The following PLEKHG4B variants were observed in gnomAD, a reference collection of about 807,000 sequenced individuals.
PLEKHG4B encodes the protein pleckstrin homology domain-containing family G member 4B.
A neutral mutation model predicts 121.3 loss-of-function variants in PLEKHG4B; 111 were observed. That is an observed-to-expected ratio of 0.92 (90% confidence interval 0.78 to 1.07). The LOEUF is 1.07. Among genes scored for constraint, PLEKHG4B ranks in the 50% least tolerant of loss-of-function variants. The pLI, the probability that PLEKHG4B is intolerant of heterozygous loss-of-function variation, is 0.00. For synonymous variants in PLEKHG4B, 738 were observed against 725.0 expected (o/e 1.02, Z -0.29); for missense variants, 1,831 against 1,757.8 (o/e 1.04, Z -0.74).
rs914021370 is a variant in PLEKHG4B, at chr5:187,154, T to G, written c.*4831T>G. On this transcript the variant is annotated 3_prime_UTR_variant, in exon 20 of 20. Transcript: ENST00000637938. ...AAGGCTCCCCAGTGCCCAGCAAGAGTGTTTTTACATTCAGAGGTGAGGAAG... is the reference window on the plus strand; with the variant it reads ...AAGGCTCCCCAGTGCCCAGCAAGAGGGTTTTTACATTCAGAGGTGAGGAAG... The G allele has an allele frequency of 1.3e-5, 2 of 152,006 alleles. No homozygotes were observed. Among genetic ancestry groups the G allele is most frequent in the African/African-American group, 4.8e-5 (2 of 41,282 alleles). 9.4% of individuals were successfully genotyped at this position (152,006 alleles called of 1,614,324 possible).
intron 7 of PLEKHG4B, among the ~76,000 whole-genome samples, chr5:153,153 T>C (rs563969152): frequency 6.6e-6 from 1 of 152,258 alleles, no homozygotes; most frequent in African/African-American, 2.4e-5. Flanking sequence ...ATTTTCTACA[T>C]CTCTCCTGAG....
intron 14 of PLEKHG4B, among the ~76,000 whole-genome samples, chr5:169,946 C>A (rs920490412): frequency 1.3e-5 from 2 of 152,190 alleles, no homozygotes; most frequent in African/African-American, 4.8e-5. Flanking sequence ...CGGGGAGAGG[C>A]CAGGCCTCAC....
chr5:107,757 C>G (rs1734018822), intron 1 of PLEKHG4B, among the ~76,000 whole-genome samples: 1 of 152,166 alleles, frequency 6.6e-6, no homozygotes, highest in African/African-American at 2.4e-5. Flanking sequence ...TCTGCACTTG[C>G]CCTGGTGTGG....
chr5:165,590 C>T (rs71583048), intron 13 of PLEKHG4B, among the ~76,000 whole-genome samples: 18 of 26,416 alleles, frequency 6.8e-4, no homozygotes, highest in South Asian at 2.1e-3. Context: ...TCTGACGGGG[C>T]GGGGCTCACA....
chr5:124,032 G>A (rs1055522251), intron 2 of PLEKHG4B, among the ~76,000 whole-genome samples: 2 of 151,896 alleles, frequency 1.3e-5, no homozygotes, highest in African/African-American at 2.4e-5. Context: ...GCTGCCTCCC[G>A]TAAGTTGTAA....
intron 2 of PLEKHG4B, among the ~76,000 whole-genome samples, chr5:131,743 G>A (rs1414475823): frequency 6.6e-6 from 1 of 152,174 alleles, no homozygotes; most frequent in Non-Finnish European, 1.5e-5. Flanking sequence ...GTGTAAAAGT[G>A]TTCCTATTTC....
intron 6 of PLEKHG4B, among the ~76,000 whole-genome samples, chr5:151,280 C>T (rs1165824328): frequency 4.6e-5 from 7 of 152,060 alleles, no homozygotes; most frequent in African/African-American, 1.5e-4. Flanking sequence ...GAACTATTCA[C>T]TAAAAAGGGT....
At chr5:177,377 C>T (rs1736790716) in intron 18 of PLEKHG4B, among the ~76,000 whole-genome samples, 1 of 152,174 alleles carries the variant, frequency 6.6e-6, no homozygotes, top group African/African-American at 2.4e-5. Flanking sequence ...TATTCTCGGA[C>T]TCATCATAGG....
At chr5:150,406 G>T (rs890753953) in intron 6 of PLEKHG4B, among the ~76,000 whole-genome samples, 1 of 152,176 alleles carries the variant, frequency 6.6e-6, no homozygotes, top group Admixed American at 6.5e-5. Context: ...CTTACAAGAT[G>T]AAAAGAGTTA....
intron 1 of PLEKHG4B, among the ~76,000 whole-genome samples, chr5:93,797 A>G (rs1165220898): frequency 1.3e-5 from 2 of 152,186 alleles, no homozygotes; most frequent in Non-Finnish European, 2.9e-5. Context: ...TTACTTGTAA[A>G]GTAGCCCAGA....
At chr5:164,917 G>A (rs1457384528) in intron 13 of PLEKHG4B, among the ~76,000 whole-genome samples, 8 of 69,788 alleles carry the variant, frequency 1.1e-4, no homozygotes, top group South Asian at 5.1e-4. Context: ...GTGACGGGGC[G>A]GAGCTCACAC....
In PLEKHG4B at chr5:140,416, G is replaced by A; in HGVS notation, c.1177G>A (p.Val393Ile). Residue 393 changes from valine to isoleucine, a missense_variant, in exon 3 of 20, where the codon GTA (valine) becomes ATA (isoleucine). By Grantham distance (29) the Val-to-Ile change is conservative. Coordinates refer to ENST00000637938, the MANE Select transcript of PLEKHG4B (RefSeq NM_052909.5). ...GASRDLGTGA[V>I]ASGTQEETSG... Reference sequence around the variant, plus strand: ...CAGCAGGGACCTGGGGACTGGGGCAGTAGCCAGTGGGACCCAGGAGGAAAC... The same window carrying A: ...CAGCAGGGACCTGGGGACTGGGGCAATAGCCAGTGGGACCCAGGAGGAAAC... 1 of 1,557,836 alleles carries A rather than the reference G, an allele frequency of 6.4e-7. No homozygotes were observed. The highest frequency in any genetic ancestry group is 8.7e-7 in the Non-Finnish European group (1 of 1,151,882).
chr5:98,002 T>C (rs1733679086), intron 1 of PLEKHG4B, among the ~76,000 whole-genome samples: 1 of 152,196 alleles, frequency 6.6e-6, no homozygotes, highest in Non-Finnish European at 1.5e-5. Flanking sequence ...TGAACCATTA[T>C]CTCAGTGTAG....
intron 18 of PLEKHG4B, 71 bp downstream of exon 18, chr5:174,169 C>A: frequency 1.3e-6 from 1 of 756,094 alleles, no homozygotes; most frequent in South Asian, 2.3e-5. Flanking sequence ...GGGGCTGGGA[C>A]TGGGGTGAGA....
rs1735084328 is a variant in PLEKHG4B, at chr5:139,505, TC to T, written c.268del (p.Leu90CysfsTer46). 2.5e-6 allele frequency: 1 copy of T among 398,960 alleles called. No individual in the cohort carries two copies. Among genetic ancestry groups the T allele is most frequent in the East Asian group, 3.6e-5 (1 of 28,060 alleles). 24.7% of individuals were successfully genotyped at this position (398,960 alleles called of 1,614,324 possible). A position where few individuals can be genotyped will look rare whatever the true frequency, so the allele number is the denominator to read the frequency against. ...CAGGCCAGGTACAGGGGTCTGGTCTTCCTGCACCCAGGCTGGCCGCTGTGCG... is the reference window on the plus strand; with the variant it reads ...CAGGCCAGGTACAGGGGTCTGGTCTTCTGCACCCAGGCTGGCCGCTGTGCG... ...EACARYRGLVFLHPGWPLCAH... is the reference protein window; with the variant it reads ...EACARYRGLVXLHPGWPLCAH... On this transcript the variant is annotated frameshift_variant, in exon 3 of 20. Coordinates refer to ENST00000637938, the MANE Select transcript of PLEKHG4B (RefSeq NM_052909.5). LOFTEE classifies it high-confidence loss of function. This position sits in a 1 kb window ranked among gnomAD's most constrained non-coding sequence, Gnocchi z 5.0.
At chr5:106,566 G>A (rs926014935) in intron 1 of PLEKHG4B, among the ~76,000 whole-genome samples, 4 of 152,178 alleles carry the variant, frequency 2.6e-5, no homozygotes, top group African/African-American at 4.8e-5. Context: ...CTTTGTAATT[G>A]TCCACAGCGT....
intron 3 of PLEKHG4B, among the ~76,000 whole-genome samples, chr5:140,985 CCCCG>C: frequency 1.2e-4 from 2 of 17,232 alleles, no homozygotes; most frequent in Non-Finnish European, 2.4e-4. Context: ...CGCTGCACAC[CCCCG>C]CCCTCTCCCC....
At chr5:173,487 G>A (rs1247733407) in intron 17 of PLEKHG4B, among the ~76,000 whole-genome samples, 1 of 152,120 alleles carries the variant, frequency 6.6e-6, no homozygotes, top group Non-Finnish European at 1.5e-5. Flanking sequence ...TCTTGACAGA[G>A]TCCATGAGGG....
At chr5:119,113 G>A (rs1734392689) in intron 2 of PLEKHG4B, among the ~76,000 whole-genome samples, 1 of 151,910 alleles carries the variant, frequency 6.6e-6, no homozygotes, top group South Asian at 2.1e-4. Flanking sequence ...TCCTGCCTCA[G>A]CCTCCCAAAC....
Sources: gnomAD v4.1 joint callset for allele counts (sites outside exome capture counted in the v4.1 genomes callset) on GRCh38, gnomAD v4.1.1 for gene constraint, Gnocchi (gnomAD v3.1) non-coding constraint, MANE v1.5 for transcripts, NCBI Gene and HGNC (gene_info 2026-07-23, HGNC 2026-07-21) for gene names.